Variants in OSBPL1A observed in about 807,000 individuals in gnomAD.
OSBPL1A encodes the protein oxysterol binding protein like 1A.
OSBPL1A carries 80 observed loss-of-function variants against 137.1 expected under a neutral mutation model. The ratio of observed to expected loss-of-function variants is 0.58; its 90% CI spans 0.49 to 0.70. The LOEUF is 0.70. Ranked by LOEUF, OSBPL1A falls within the 30% of genes least tolerant of loss-of-function variation. The pLI is 0.00. For synonymous variants in OSBPL1A, 365 were observed against 389.7 expected, an observed-to-expected ratio of 0.94 and a Z score of 0.75; for missense variants, 970 against 1,129.4, an observed-to-expected ratio of 0.86 and a Z score of 2.02.
intron 14 of OSBPL1A, among the ~76,000 whole-genome samples, chr18:24,302,986 T>TGG (rs2090431406): frequency 6.6e-6 from 1 of 151,634 alleles, no homozygotes; most frequent in Non-Finnish European, 1.5e-5. Flanking sequence ...TTTGTGTGTG[T>TGG]GTGTGTGTGG....
intron 17 of OSBPL1A, among the ~76,000 whole-genome samples, chr18:24,201,068 C>G (rs890288086): frequency 6.6e-6 from 1 of 152,066 alleles, no homozygotes; most frequent in Non-Finnish European, 1.5e-5. Context: ...GATTCTCTCT[C>G]GGTGGAGTTT....
At chr18:24,393,834 G>T (rs1474727714) in intron 1 of OSBPL1A, among the ~76,000 whole-genome samples, 2 of 152,170 alleles carry the variant, frequency 1.3e-5, no homozygotes, top group African/African-American at 4.8e-5. Context: ...TGTAAGCACT[G>T]AGGAATTTGA....
At chr18:24,309,247 C>A (rs1037137469) in intron 13 of OSBPL1A, among the ~76,000 whole-genome samples, 14 of 152,136 alleles carry the variant, frequency 9.2e-5, no homozygotes, top group Non-Finnish European at 2.1e-4. Context: ...ACAGCAACAA[C>A]CATGAGGTCA....
intron 17 of OSBPL1A, among the ~76,000 whole-genome samples, chr18:24,202,138 T>G (rs971815419): frequency 6.6e-6 from 1 of 152,124 alleles, no homozygotes; most frequent in Admixed American, 6.6e-5. Context: ...ATCTCTTTCA[T>G]GGAGGCTATA....
chr18:24,172,611 T>C (rs910313263), intron 21 of OSBPL1A, 128 bp from the exon 22 acceptor site: 1 of 578,906 alleles, frequency 1.7e-6, no homozygotes. Flanking sequence ...GTTCTAAGCC[T>C]TTAAAAATTC....
chr18:24,358,172 T>C (rs192884908), intron 4 of OSBPL1A: 187 of 437,578 alleles, frequency 4.3e-4, no homozygotes, highest in African/African-American at 3.3e-3. Context: ...TTATGGTAAA[T>C]GGACAAGGGC....
chr18:24,222,581 A>G (rs974999995), intron 17 of OSBPL1A, among the ~76,000 whole-genome samples: 2 of 152,112 alleles, frequency 1.3e-5, no homozygotes, highest in African/African-American at 4.8e-5. Flanking sequence ...ATTTTCCACA[A>G]AGCAACTTGA....
chr18:24,350,650 C>CGT (rs2091422508), intron 4 of OSBPL1A, among the ~76,000 whole-genome samples: 1 of 152,006 alleles, frequency 6.6e-6, no homozygotes, highest in East Asian at 1.9e-4. Context: ...AGGTCACACA[C>CGT]ACAGGAACAG....
intron 5 of OSBPL1A, among the ~76,000 whole-genome samples, chr18:24,340,087 A>C (rs2146153058): frequency 6.6e-6 from 1 of 152,354 alleles, no homozygotes; most frequent in Middle Eastern, 3.4e-3. Flanking sequence ...ACTCTAATTC[A>C]GTACCTTTAC....
chr18:24,221,183 T>C (rs1178344392), intron 17 of OSBPL1A, among the ~76,000 whole-genome samples: 2 of 152,368 alleles, frequency 1.3e-5, no homozygotes, highest in East Asian at 1.9e-4. Context: ...CTCAATATAA[T>C]CTTACTTCCT....
At chr18:24,325,143 A>T (rs953643400) in intron 7 of OSBPL1A, among the ~76,000 whole-genome samples, 3 of 152,192 alleles carry the variant, frequency 2.0e-5, no homozygotes, top group African/African-American at 7.2e-5. Flanking sequence ...TAAGAAAGGC[A>T]TGACAAAATA....
intron 17 of OSBPL1A, among the ~76,000 whole-genome samples, chr18:24,214,982 T>A (rs1264218294): frequency 6.6e-6 from 1 of 152,256 alleles, no homozygotes; most frequent in East Asian, 1.9e-4. Flanking sequence ...ACTCTGTTTA[T>A]AAATGATCTG....
At chr18:24,351,611 C>T (rs1438647155) in intron 4 of OSBPL1A, among the ~76,000 whole-genome samples, 1 of 152,154 alleles carries the variant, frequency 6.6e-6, no homozygotes, top group Non-Finnish European at 1.5e-5. Flanking sequence ...ACAATCTTGG[C>T]TCGCTGCAAC....
chr18:24,350,697 T>G (rs1004923360), intron 4 of OSBPL1A, among the ~76,000 whole-genome samples: 1 of 152,028 alleles, frequency 6.6e-6, no homozygotes, highest in Non-Finnish European at 1.5e-5. Flanking sequence ...ACAACAACAC[T>G]AAAAGCTAGA....
At chr18:24,264,598 G>T (rs778114984) in intron 15 of OSBPL1A, among the ~76,000 whole-genome samples, 1 of 152,168 alleles carries the variant, frequency 6.6e-6, no homozygotes, top group Non-Finnish European at 1.5e-5. Context: ...TTCACAAAAA[G>T]ATGGACAGCA....
intron 16 of OSBPL1A, among the ~76,000 whole-genome samples, chr18:24,228,820 T>C (rs1200847712): frequency 1.3e-5 from 2 of 152,202 alleles, no homozygotes; most frequent in African/African-American, 4.8e-5. Context: ...AGGAATGCAC[T>C]GTGCAGTGAG....
At chr18:24,322,679 C>G (rs2090888158) in intron 7 of OSBPL1A, among the ~76,000 whole-genome samples, 1 of 152,094 alleles carries the variant, frequency 6.6e-6, no homozygotes, top group African/African-American at 2.4e-5. Flanking sequence ...AAAGACAACA[C>G]TATGATTTCT....
At chr18:24,283,285 T>A (rs866633706) in intron 14 of OSBPL1A, among the ~76,000 whole-genome samples, 2,418 of 69,470 alleles carry the variant, frequency 0.035, 28 homozygotes, top group Non-Finnish European at 0.044. Context: ...AAAAAAAATA[T>A]ATATATATAT....
At chr18:24,307,937 G>A (rs1375151381) in intron 13 of OSBPL1A, among the ~76,000 whole-genome samples, 1 of 148,374 alleles carries the variant, frequency 6.7e-6, no homozygotes, top group African/African-American at 2.6e-5. Context: ...TTACAGACGT[G>A]CACCACCATG....
Sources: allele counts gnomAD v4.1 joint callset (sites outside exome capture counted in the v4.1 genomes callset), GRCh38; gene constraint gnomAD v4.1.1; transcripts MANE v1.5; gene names NCBI Gene and HGNC (gene_info 2026-07-23, HGNC 2026-07-21).